Variants in SLC18A2 observed in about 807,000 individuals in gnomAD.
SLC18A2 encodes the protein solute carrier family 18 member A2.
In SLC18A2, 33 loss-of-function variants were observed where a neutral mutation model predicts 59.2. That is an observed-to-expected ratio of 0.56 (90% CI 0.42 to 0.75). The LOEUF (loss-of-function observed/expected upper bound fraction) is 0.75. Ranked by LOEUF, SLC18A2 falls within the 30% of genes least tolerant of loss-of-function variation. The pLI, the probability that SLC18A2 is intolerant of heterozygous loss-of-function variation, is 0.00. For missense variants in SLC18A2, 569 were observed against 668.6 expected, an observed-to-expected ratio of 0.85 and a Z score of 1.64; for synonymous variants, 228 against 253.5, an observed-to-expected ratio of 0.90 and a Z score of 0.95.
In SLC18A2 at chr10:117,278,095, G is replaced by A. The variant is rs1282431580; in HGVS notation, c.*829G>A. On this transcript the variant is annotated 3_prime_UTR_variant, in exon 16 of 16. Transcript: ENST00000644641. ...ACATGTACCTTATACTGTCAAGGTT[G>A]TTTAAACATGATAAGGTTAATCGCC... The A allele has an allele frequency of 6.6e-6, 1 of 152,188 alleles. No individual in the cohort carries two copies. Among genetic ancestry groups the A allele is most frequent in the Admixed American group, 6.5e-5 (1 of 15,288 alleles). The allele number at this position is 152,188 out of a possible 1,614,324, so 9.4% of individuals were successfully genotyped here.
intron 15 of SLC18A2, among the ~76,000 whole-genome samples, chr10:117,272,865 G>C (rs1844442499): frequency 6.6e-6 from 1 of 152,146 alleles, no homozygotes; most frequent in African/African-American, 2.4e-5. Context: ...AGCGGTGGCG[G>C]CCGACAGCAC....
At position 117,278,184 on chromosome 10, in the gene SLC18A2, T is replaced by C. The variant is rs1184796135; in HGVS notation, c.*918T>C. ...AAACAGCTGCTCTGACTTTAATATC[T>C]GACTATATCTTTGATCTGTTTGCAG... On this transcript the variant is annotated 3_prime_UTR_variant, in exon 16 of 16. Coordinates refer to ENST00000644641, the MANE Select transcript of SLC18A2 (RefSeq NM_003054.6). The C allele has an allele frequency of 2.0e-5, 3 of 152,232 alleles. No homozygotes were observed. The highest frequency in any genetic ancestry group is 7.2e-5 in the African/African-American group (3 of 41,468). The allele number at this position is 152,232 out of a possible 1,614,324, so 9.4% of individuals were successfully genotyped here.
At chr10:117,253,278 C>T in intron 3 of SLC18A2, 121 bp from the exon 4 acceptor site, 1 of 734,768 alleles carries the variant, frequency 1.4e-6, no homozygotes, top group South Asian at 1.6e-5. Flanking sequence ...TATGAATTTT[C>T]AGAAAAGTCC....
intron 10 of SLC18A2, among the ~76,000 whole-genome samples, chr10:117,264,842 G>A (rs1363139021): frequency 1.3e-5 from 2 of 152,204 alleles, no homozygotes; most frequent in Non-Finnish European, 2.9e-5. Flanking sequence ...CACAGCTTTT[G>A]AGGCCAGGTT....
intron 3 of SLC18A2, among the ~76,000 whole-genome samples, chr10:117,248,160 T>G (rs749830637): frequency 6.6e-6 from 1 of 152,000 alleles, no homozygotes; most frequent in Non-Finnish European, 1.5e-5. Flanking sequence ...GAGATGGGGT[T>G]TCAGCATTTG....
rs1844527303 is a variant in SLC18A2 at position 117,278,202 on chromosome 10, GT to G, written c.*939del. The G allele has an allele frequency of 6.6e-6, 1 of 152,174 alleles. No individual in the cohort carries two copies. The highest frequency in any genetic ancestry group is 6.5e-5 in the Admixed American group (1 of 15,278). The allele number at this position is 152,174 out of a possible 1,614,324, so 9.4% of individuals were successfully genotyped here. On this transcript the variant is annotated 3_prime_UTR_variant, in exon 16 of 16. Transcript: ENST00000644641. The stretch of plus-strand genomic sequence containing the variant: ...TAATATCTGACTATATCTTTGATCT[GT>G]TTGCAGGTCATCCAAGTGTTTTCTA...
chr10:117,257,395 A>G (rs762545707), intron 9 of SLC18A2, among the ~76,000 whole-genome samples: 11 of 152,062 alleles, frequency 7.2e-5, no homozygotes, highest in Non-Finnish European at 1.2e-4. Context: ...ATTGCACAGT[A>G]AAACACAGAT....
At position 117,241,726 on chromosome 10, in the gene SLC18A2, G is replaced by T; in HGVS notation, c.33G>T (p.Trp11Cys). 6.2e-7 allele frequency: 1 copy of T among 1,606,428 alleles called. No homozygotes were observed. Among genetic ancestry groups the T allele is most frequent in the Non-Finnish European group, 8.5e-7 (1 of 1,177,582 alleles). The change falls in exon 2 of 16, where the codon TGG becomes TGT. Residue 11 changes from tryptophan to cysteine, a missense_variant. Physicochemically the swap from Trp to Cys is radical, Grantham distance 215. Around this residue, in one of 2 missense-constraint regions of SLC18A2, gnomAD observed 377 missense variants for 389.8 expected, o/e 0.97. Transcript: ENST00000644641. MALSELALVRWLQESRRSRKL... is the reference protein window; with the variant it reads MALSELALVRCLQESRRSRKL... ...TGAGCGAGCTGGCGCTGGTCCGCTGGCTGCAGGAGAGCCGCCGCTCGCGGA... is the reference window on the plus strand; with the variant it reads ...TGAGCGAGCTGGCGCTGGTCCGCTGTCTGCAGGAGAGCCGCCGCTCGCGGA...
At chr10:117,241,600 C>T (rs979321703) in intron 1 of SLC18A2, 79 bp from the exon 2 acceptor site, 6 of 1,404,068 alleles carry the variant, frequency 4.3e-6, no homozygotes, top group East Asian at 3.0e-5. Flanking sequence ...CTCCCTGACC[C>T]GCCCTTCCGC....
intron 5 of SLC18A2, 105 bp from the exon 6 acceptor site, chr10:117,254,299 AG>A: frequency 8.5e-7 from 1 of 1,181,866 alleles, no homozygotes; most frequent in Non-Finnish European, 1.2e-6. Flanking sequence ...TGAATCTGAC[AG>A]GTTTGGGAAG....
intron 15 of SLC18A2, among the ~76,000 whole-genome samples, chr10:117,275,783 C>T (rs930054463): frequency 1.1e-4 from 17 of 152,092 alleles, no homozygotes; most frequent in South Asian, 2.1e-4. Context: ...CAGAGCAGCA[C>T]GTTTTTGTCA....
chr10:117,271,903 CA>C (rs1387717399), intron 15 of SLC18A2, among the ~76,000 whole-genome samples: 2 of 151,824 alleles, frequency 1.3e-5, no homozygotes, highest in Non-Finnish European at 2.9e-5. Flanking sequence ...TGTTTTTGAC[CA>C]AAAAAAGTAT....
At chr10:117,268,910 G>C (rs1459233179) in intron 13 of SLC18A2, among the ~76,000 whole-genome samples, 1 of 148,948 alleles carries the variant, frequency 6.7e-6, no homozygotes, top group African/African-American at 2.5e-5. Context: ...GTGTGTATGT[G>C]TGTGAACTAA....
At chr10:117,249,370 A>G (rs1844138998) in intron 3 of SLC18A2, among the ~76,000 whole-genome samples, 2 of 152,284 alleles carry the variant, frequency 1.3e-5, no homozygotes, top group African/African-American at 4.8e-5. Flanking sequence ...TGGTAGCTGA[A>G]AAAGACAAGC....
At chr10:117,273,449 T>C (rs1446657794) in intron 15 of SLC18A2, among the ~76,000 whole-genome samples, 1 of 152,190 alleles carries the variant, frequency 6.6e-6, no homozygotes, top group Non-Finnish European at 1.5e-5. Context: ...AAGTTTCTAA[T>C]TGTTGCCAAG....
chr10:117,258,626 A>G (rs1844256734), intron 10 of SLC18A2, among the ~76,000 whole-genome samples: 1 of 152,200 alleles, frequency 6.6e-6, no homozygotes, highest in Admixed American at 6.5e-5. Flanking sequence ...AAGATAAAAG[A>G]ATTATAAGGA....
chr10:117,242,036 A>G (rs1004598296), intron 2 of SLC18A2: 14 of 468,592 alleles, frequency 3.0e-5, no homozygotes, highest in African/African-American at 2.9e-4. Flanking sequence ...AAACTGTGAC[A>G]TCCGATAAGA....
chr10:117,241,700 C>G lies in SLC18A2; in HGVS notation c.7C>G (p.Leu3Val). ...GCAGCGGAGCCCCGGAGCCATGGCCCTGAGCGAGCTGGCGCTGGTCCGCTG... is the reference window on the plus strand; with the variant it reads ...GCAGCGGAGCCCCGGAGCCATGGCCGTGAGCGAGCTGGCGCTGGTCCGCTG... MA[L>V]SELALVRWLQ... Residue 3 changes from leucine to valine, a missense_variant, in exon 2 of 16, where the codon CTG (leucine) becomes GTG (valine). This residue lies in a region of SLC18A2 where 377 missense variants were observed against 389.8 expected (regional missense o/e 0.97). Coordinates refer to ENST00000644641, the MANE Select transcript of SLC18A2 (RefSeq NM_003054.6). 6.3e-7 allele frequency: 1 copy of G among 1,594,956 alleles called. No homozygotes were observed. The highest frequency in any genetic ancestry group is 1.7e-5 in the Admixed American group (1 of 57,642).
rs1259513350 is a variant in SLC18A2, at chr10:117,267,614, G to A, written c.1123-59G>A. ...AGAAAACACAAGTTCAAGACTTTCC[G>A]AGATGATTTAGAGTTGGATCTCTTG... On this transcript the variant is annotated intron_variant, in intron 12 of 15. Coordinates refer to ENST00000644641, the MANE Select transcript of SLC18A2 (RefSeq NM_003054.6). 3.0e-5 allele frequency: 40 copies of A among 1,312,016 alleles called. No homozygotes were observed. In the East Asian group the frequency reaches 8.7e-4, roughly 29 times the overall value. 81.3% of individuals were successfully genotyped at this position (1,312,016 alleles called of 1,614,324 possible). A position where few individuals can be genotyped will look rare whatever the true frequency, so the allele number is the denominator to read the frequency against.
Sources: allele counts gnomAD v4.1 joint callset (sites outside exome capture counted in the v4.1 genomes callset), GRCh38; gene constraint gnomAD v4.1.1; regional missense constraint gnomAD v4.1.1; transcripts MANE v1.5; gene names NCBI Gene and HGNC (gene_info 2026-07-23, HGNC 2026-07-21).